The following COL1A2 variants were observed in gnomAD, a reference collection of about 807,000 sequenced individuals.
COL1A2 encodes collagen alpha-2(I) chain.
In COL1A2, 49 loss-of-function variants were observed where a neutral mutation model predicts 174.3. The ratio of observed to expected loss-of-function variants is 0.28; its 90% confidence interval spans 0.22 to 0.36. The LOEUF is 0.36. Ranked by LOEUF, COL1A2 falls within the 10% of genes least tolerant of loss-of-function variation. The pLI, the probability that COL1A2 is intolerant of heterozygous loss-of-function variation, is 1.00. For synonymous variants in COL1A2, 655 were observed against 606.6 expected, an observed-to-expected ratio of 1.08 and a Z score of -1.17; for missense variants, 1,438 against 1,822.7, an observed-to-expected ratio of 0.79 and a Z score of 3.84.
At chr7:94,421,839 T>G in intron 38 of COL1A2, 60 bp from the exon 39 acceptor site, 1 of 1,559,430 alleles carries the variant, frequency 6.4e-7, no homozygotes, top group Non-Finnish European at 8.8e-7. Flanking sequence ...GAAATTCCCA[T>G]CTTACCCAAA....
intron 35 of COL1A2, 41 bp downstream of exon 35, chr7:94,420,327 C>G (rs777609168): frequency 7.4e-6 from 12 of 1,613,998 alleles, no homozygotes; most frequent in African/African-American, 1.3e-5. Flanking sequence ...TCACACCTCA[C>G]AATGTTTAGA....
In COL1A2 at chr7:94,423,042, G is replaced by A. The variant is rs768513176; in HGVS notation, c.2489G>A (p.Arg830Gln). 16 of 1,613,948 alleles carry A rather than the reference G, an allele frequency of 9.9e-6. No homozygotes were observed. Among genetic ancestry groups the A allele is most frequent in the African/African-American group, 6.7e-5 (5 of 74,888 alleles). The change falls in exon 40 of 52, where the codon CGA becomes CAA. Residue 830 changes from arginine to glutamine, a missense_variant. By Grantham distance (43) the Arg-to-Gln change is conservative. Transcript: ENST00000297268. Reference sequence around the variant, plus strand: ...CGTGGTGACCAAGGTCCAGTTGGCCGAACTGGAGAAGTAGGTGCAGTTGGT... The same window carrying A: ...CGTGGTGACCAAGGTCCAGTTGGCCAAACTGGAGAAGTAGGTGCAGTTGGT... Reference protein sequence around the residue: ...GPRGDQGPVGRTGEVGAVGPP... With the variant: ...GPRGDQGPVGQTGEVGAVGPP...
Position 94,420,275 on chromosome 7 carries a change from C to A in COL1A2, c.2122C>A (p.Arg708=). 1 of 1,613,814 alleles carries A rather than the reference C, an allele frequency of 6.2e-7. No individual in the cohort carries two copies. The highest frequency in any genetic ancestry group is 8.5e-7 in the Non-Finnish European group (1 of 1,179,968). Reference sequence around the variant, plus strand: ...TGGTCCTGCTGGTCCTGCTGGTCCTCGGGGAAGCCCTGTAAGTAAGAACCT... The same window carrying A: ...TGGTCCTGCTGGTCCTGCTGGTCCTAGGGGAAGCCCTGTAAGTAAGAACCT... ...AAGPAGPAGP[R]GSPGERGEVG... Residue 708 remains arginine (R), a synonymous_variant, in exon 35 of 52, where the codon CGG becomes AGG. Transcript: ENST00000297268.
intron 39 of COL1A2, chr7:94,422,353 C>A (rs1792182718): frequency 6.1e-6 from 1 of 163,458 alleles, no homozygotes; most frequent in Admixed American, 5.9e-5. Flanking sequence ...GATTCAGACT[C>A]TCCTGTCAGG....
chr7:94,396,060 T>TA (rs1258921073), intron 1 of COL1A2, among the ~76,000 whole-genome samples: 2 of 152,202 alleles, frequency 1.3e-5, no homozygotes, highest in East Asian at 3.9e-4. Flanking sequence ...CGGCCTTTTC[T>TA]AAAATGTGAG....
At chr7:94,409,075 A>G (rs1791863121) in intron 16 of COL1A2, among the ~76,000 whole-genome samples, 1 of 152,168 alleles carries the variant, frequency 6.6e-6, no homozygotes, top group Non-Finnish European at 1.5e-5. Context: ...GTTAGTTAGG[A>G]CTGACTGAGA....
chr7:94,406,052 T>C (rs1283836392), intron 11 of COL1A2, among the ~76,000 whole-genome samples, 198 bp from the exon 12 acceptor site: 4 of 152,204 alleles, frequency 2.6e-5, no homozygotes, highest in African/African-American at 9.6e-5. Context: ...TCCATCCTTC[T>C]CTCTCAATGG....
chr7:94,421,097 T>A (rs372487385), intron 38 of COL1A2, 35 bp downstream of exon 38: 1 of 1,609,854 alleles, frequency 6.2e-7, no homozygotes, highest in African/African-American at 1.3e-5. Context: ...CCGCTTTTCT[T>A]TTTTCAGAAT....
chr7:94,428,500 C>T lies in COL1A2; in HGVS notation c.3711+23C>T, dbSNP rs763221965. 2.2e-5 allele frequency: 35 copies of T among 1,596,174 alleles called. 1 individual carries two copies. In the Admixed American group the frequency reaches 5.9e-4, roughly 27 times the overall value. On this transcript the variant is annotated intron_variant, in intron 50 of 51. Coordinates refer to ENST00000297268, the MANE Select transcript of COL1A2 (RefSeq NM_000089.4). The stretch of plus-strand genomic sequence containing the variant: ...CAGGTGAGGAATCCCACAAACACCT[C>T]TCCTTCTGCTAAATAATATTTTGGT...
At position 94,429,398 on chromosome 7, in the gene COL1A2, T is replaced by G; in HGVS notation, c.3922T>G (p.Phe1308Val). 6.2e-7 allele frequency: 1 copy of G among 1,614,028 alleles called. No homozygotes were observed. ...ACTTGTTGCTGAGGGCAACAGCAGGTTCACTTACACTGTTCTTGTAGATGG... is the reference window on the plus strand; with the variant it reads ...ACTTGTTGCTGAGGGCAACAGCAGGGTCACTTACACTGTTCTTGTAGATGG... ...VELVAEGNSR[F>V]TYTVLVDGCS... The change falls in exon 51 of 52, where the codon TTC (phenylalanine) becomes GTC (valine). Residue 1308 changes from phenylalanine to valine, a missense_variant. This residue lies in a region of COL1A2 where 290 missense variants were observed against 298.1 expected (regional missense o/e 0.97). Transcript: ENST00000297268.
At chr7:94,416,699 G>A in intron 31 of COL1A2, 196 bp downstream of exon 31, 1 of 586,494 alleles carries the variant, frequency 1.7e-6, no homozygotes, top group South Asian at 2.1e-5. Context: ...GCAACAAACT[G>A]TGGGGGAAAA....
At position 94,416,431 on chromosome 7, in the gene COL1A2, T is replaced by C. The variant is rs1398340495; in HGVS notation, c.1791T>C (p.Ser597=). The C allele has an allele frequency of 1.3e-6, 2 of 1,584,050 alleles. No homozygotes were observed. Among genetic ancestry groups the C allele is most frequent in the Non-Finnish European group, 1.7e-6 (2 of 1,164,416 alleles). The change falls in exon 31 of 52, where the codon AGT becomes AGC. Residue 597 remains serine, a synonymous_variant. Coordinates refer to ENST00000297268, the MANE Select transcript of COL1A2 (RefSeq NM_000089.4). ...GGGAACGCGGTCCCCCAGGTGAGAG[T>C]GGTGCTGCCGGTCCTACTGGTCCTA... ...PRGERGPPGE[S]GAAGPTGPIG...
At chr7:94,408,515 AT>A in intron 15 of COL1A2, 135 bp downstream of exon 15, 1 of 1,183,990 alleles carries the variant, frequency 8.4e-7, no homozygotes, top group Non-Finnish European at 1.2e-6. Context: ...TGAAGGCTCC[AT>A]TTATAAGTAG....
chr7:94,415,122 T>G, intron 29 of COL1A2, 104 bp from the exon 30 acceptor site: 1 of 989,540 alleles, frequency 1.0e-6, no homozygotes, highest in South Asian at 1.3e-5. Context: ...ATGTAGATAC[T>G]GCCAGGTTTA....
chr7:94,424,841 T>C (rs951203812), intron 41 of COL1A2: 2 of 504,598 alleles, frequency 4.0e-6, no homozygotes, highest in African/African-American at 3.9e-5. Context: ...ATAAAATATA[T>C]CAACTTTTTG....
chr7:94,398,909 T>A, intron 3 of COL1A2, 140 bp from the exon 4 acceptor site: 4 of 803,922 alleles, frequency 5.0e-6, no homozygotes, highest in African/African-American at 1.7e-5. Context: ...TATTGCATTG[T>A]GTCAATTTTT....
chr7:94,409,186 T>C, intron 16 of COL1A2, 136 bp from the exon 17 acceptor site: 1 of 901,584 alleles, frequency 1.1e-6, no homozygotes. Context: ...ACTCAAATCT[T>C]GTAATAAAAC....
At chr7:94,416,551 G>A (rs1236342137) in intron 31 of COL1A2, 48 bp downstream of exon 31, 1 of 1,299,670 alleles carries the variant, frequency 7.7e-7, no homozygotes, top group African/African-American at 1.5e-5. Flanking sequence ...AGTCTGCCTG[G>A]AATAAGTAGA....
At chr7:94,425,684 T>C (rs1453339931) in intron 43 of COL1A2, 21 bp downstream of exon 43, 1 of 1,613,984 alleles carries the variant, frequency 6.2e-7, no homozygotes. Context: ...TTTTCATCTT[T>C]CTCTAATTCA....
Sources: gnomAD v4.1 joint callset for allele counts (sites outside exome capture counted in the v4.1 genomes callset) on GRCh38, gnomAD v4.1.1 for gene constraint, gnomAD v4.1.1 regional missense constraint, MANE v1.5 for transcripts, NCBI Gene and HGNC (gene_info 2026-07-23, HGNC 2026-07-21) for gene names.